ADAMTSL1: variants seen among roughly 807,000 people sequenced by gnomAD.
ADAMTSL1 encodes ADAMTS-like protein 1.
ADAMTSL1 carries 126 observed loss-of-function variants against 201.8 expected under a neutral mutation model. That is an observed-to-expected ratio of 0.62 (90% CI 0.54 to 0.72). The LOEUF (loss-of-function observed/expected upper bound fraction) is 0.72, where lower values mean the gene tolerates loss of function less well. ADAMTSL1 is among the 30% of genes least tolerant of loss of function. ADAMTSL1 has a pLI of 0.00. For missense variants in ADAMTSL1, 2,679 were observed against 2,277.8 expected (o/e 1.18, Z -3.59); for synonymous variants, 1,121 against 903.4 (o/e 1.24, Z -4.32).
chr9:18,562,570 C>T (rs1245968487), intron 3 of ADAMTSL1, among the ~76,000 whole-genome samples: 1 of 152,112 alleles, frequency 6.6e-6, no homozygotes, highest in East Asian at 1.9e-4. Context: ...GCCTGTCTTG[C>T]TAGGTTGGGG....
intron 1 of ADAMTSL1, among the ~76,000 whole-genome samples, chr9:17,913,304 G>C (rs1288368514): frequency 1.3e-5 from 2 of 152,122 alleles, no homozygotes; most frequent in Non-Finnish European, 2.9e-5. Context: ...CCATTTTCAT[G>C]ATATTGATTC....
intron 10 of ADAMTSL1, among the ~76,000 whole-genome samples, chr9:18,679,933 C>T (rs1830357617): frequency 6.6e-6 from 1 of 152,136 alleles, no homozygotes; most frequent in Non-Finnish European, 1.5e-5. Context: ...CCACTTTAGT[C>T]TTGAGATGGA....
chr9:18,652,187 G>A (rs199607898), intron 7 of ADAMTSL1, among the ~76,000 whole-genome samples: 2 of 151,756 alleles, frequency 1.3e-5, no homozygotes, highest in Admixed American at 1.3e-4. Context: ...GCCTGGCCAA[G>A]ATGGTGAAAC....
At chr9:18,647,478 T>G (rs1827895303) in intron 7 of ADAMTSL1, among the ~76,000 whole-genome samples, 1 of 152,202 alleles carries the variant, frequency 6.6e-6, no homozygotes, top group Admixed American at 6.5e-5. Context: ...ATTGTGATAT[T>G]AGGGTGTCAA....
chr9:18,568,894 C>T (rs970221515), intron 3 of ADAMTSL1, among the ~76,000 whole-genome samples: 19 of 151,806 alleles, frequency 1.3e-4, no homozygotes, highest in Non-Finnish European at 2.2e-4. Flanking sequence ...AATAGGACTA[C>T]CACTGAATAT....
At chr9:18,229,918 A>T (rs1386024917) in intron 2 of ADAMTSL1, among the ~76,000 whole-genome samples, 1 of 152,048 alleles carries the variant, frequency 6.6e-6, no homozygotes, top group Non-Finnish European at 1.5e-5. Flanking sequence ...ACTTGTCTCA[A>T]ACTCCTGACC....
At chr9:18,713,191 C>T (rs894588921) in intron 14 of ADAMTSL1, among the ~76,000 whole-genome samples, 1 of 151,402 alleles carries the variant, frequency 6.6e-6, no homozygotes, top group African/African-American at 2.4e-5. Flanking sequence ...ACTGCATCAA[C>T]TAATGAGCAA....
intron 1 of ADAMTSL1, among the ~76,000 whole-genome samples, chr9:17,985,494 T>C (rs191099414): frequency 7.9e-5 from 12 of 152,022 alleles, no homozygotes; most frequent in African/African-American, 2.9e-4. Context: ...TTCTGAGTAC[T>C]ACAAAAAAGA....
chr9:18,536,836 A>G (rs774969698), intron 3 of ADAMTSL1, among the ~76,000 whole-genome samples: 2 of 152,212 alleles, frequency 1.3e-5, no homozygotes, highest in African/African-American at 2.4e-5. Context: ...TTCTTAGGTC[A>G]TATCTTCATG....
chr9:18,554,577 A>C (rs1476200368), intron 3 of ADAMTSL1, among the ~76,000 whole-genome samples: 1 of 151,394 alleles, frequency 6.6e-6, no homozygotes, highest in Non-Finnish European at 1.5e-5. Context: ...ATTGTTAGAA[A>C]CTCTGAAGGA....
chr9:17,963,729 G>A (rs2131405570), intron 1 of ADAMTSL1, among the ~76,000 whole-genome samples: 1 of 152,180 alleles, frequency 6.6e-6, no homozygotes, highest in African/African-American at 2.4e-5. Flanking sequence ...AAACTGTAAT[G>A]GGCCTTTGTC....
intron 1 of ADAMTSL1, among the ~76,000 whole-genome samples, chr9:17,988,726 C>A (rs1819024859): frequency 6.6e-6 from 1 of 151,926 alleles, no homozygotes; most frequent in African/African-American, 2.4e-5. Context: ...TTACTGCTTT[C>A]AATTATCAGT....
At chr9:18,321,658 C>G (rs6475211) in intron 2 of ADAMTSL1, among the ~76,000 whole-genome samples, 3,226 of 152,082 alleles carry the variant, frequency 0.021, 72 homozygotes, top group African/African-American at 0.059. Flanking sequence ...CCGGGCGTGG[C>G]AACAGGCGCC....
chr9:17,914,661 G>T (rs1368481153), intron 1 of ADAMTSL1, among the ~76,000 whole-genome samples: 2 of 151,678 alleles, frequency 1.3e-5, no homozygotes, highest in Non-Finnish European at 2.9e-5. Context: ...AGTGTTGGAA[G>T]TTCTGGCCAG....
intron 2 of ADAMTSL1, among the ~76,000 whole-genome samples, chr9:18,166,739 T>C (rs200132090): frequency 1.3e-5 from 2 of 151,914 alleles, no homozygotes; most frequent in East Asian, 3.9e-4. Flanking sequence ...ACACCCTTTC[T>C]TTACTAAAAA....
intron 2 of ADAMTSL1, among the ~76,000 whole-genome samples, chr9:18,257,641 C>G (rs1831739489): frequency 6.6e-6 from 1 of 152,086 alleles, no homozygotes. Flanking sequence ...AAAAGTTAAG[C>G]ACAGAATTAC....
At chr9:18,019,128 T>C (rs1820379117) in intron 1 of ADAMTSL1, among the ~76,000 whole-genome samples, 1 of 152,032 alleles carries the variant, frequency 6.6e-6, no homozygotes, top group African/African-American at 2.4e-5. Flanking sequence ...GCAGAAAGTT[T>C]AGCAACACTC....
chr9:18,398,833 CATTT>C (rs1817849749), intron 2 of ADAMTSL1, among the ~76,000 whole-genome samples: 2 of 152,068 alleles, frequency 1.3e-5, no homozygotes, highest in Admixed American at 6.5e-5. Flanking sequence ...AAAGTTCATT[CATTT>C]ATTCATTTAA....
intron 9 of ADAMTSL1, among the ~76,000 whole-genome samples, chr9:18,662,374 A>G (rs1487417828): frequency 6.6e-6 from 1 of 152,132 alleles, no homozygotes; most frequent in Non-Finnish European, 1.5e-5. Flanking sequence ...TTTCCTTAAC[A>G]AGGTCCAGGC....
Sources: allele counts gnomAD v4.1 joint callset (sites outside exome capture counted in the v4.1 genomes callset), GRCh38; gene constraint gnomAD v4.1.1; transcripts MANE v1.5; gene names NCBI Gene and HGNC (gene_info 2026-07-23, HGNC 2026-07-21).